The following RAD51B variants were observed in gnomAD, a reference collection of about 807,000 sequenced individuals.
RAD51B encodes RAD51 paralog B.
RAD51B carries 38 observed loss-of-function variants against 42.2 expected under a neutral mutation model. The ratio of observed to expected loss-of-function variants is 0.90; its 90% CI spans 0.70 to 1.18. The LOEUF is 1.18. Among genes scored for constraint, RAD51B ranks in the 50% most tolerant of loss-of-function variants. The pLI is 0.00. For missense variants in RAD51B, 373 were observed against 400.7 expected (o/e 0.93, Z 0.59); for synonymous variants, 154 against 145.2 (o/e 1.06, Z -0.43).
At chr14:68,562,362 A>T in intron 10 of RAD51B, 1 of 985,428 alleles carries the variant, frequency 1.0e-6, no homozygotes. Context: ...TAAGGTGGGA[A>T]CCAAAGGCTC....
chr14:68,172,230 C>T (rs2078887027), intron 7 of RAD51B, among the ~76,000 whole-genome samples: 1 of 152,134 alleles, frequency 6.6e-6, no homozygotes. Context: ...TAGAGAAATC[C>T]TTTGTCAGTA....
chr14:68,564,581 A>T (rs1366461720), intron 10 of RAD51B, among the ~76,000 whole-genome samples: 2 of 152,272 alleles, frequency 1.3e-5, no homozygotes, highest in African/African-American at 4.8e-5. Context: ...CACAGAGTTC[A>T]TCAGCTTCCC....
chr14:67,998,773 C>G (rs906264418), intron 7 of RAD51B, among the ~76,000 whole-genome samples: 7 of 152,160 alleles, frequency 4.6e-5, no homozygotes, highest in Non-Finnish European at 1.0e-4. Context: ...GGTCTCTCTC[C>G]TTTACCTTGT....
At position 68,528,143 on chromosome 14, in the gene RAD51B, C is replaced by A. The variant is rs558492559; in HGVS notation, c.1036+59893C>A. Among the ~76,000 whole-genome samples, 4 of 152,312 alleles carry A rather than the reference C, an allele frequency of 2.6e-5. No homozygotes were observed. In the South Asian group the frequency reaches 6.2e-4, roughly 24 times the overall value. On this transcript the variant is annotated intron_variant, in intron 10 of 10. Coordinates refer to the RAD51B transcript ENST00000487270. ...CCAGTAAAGAATTCCCTCCAGTCTT[C>A]CGTACCATACATCCTGAATGGAGCA...
chr14:68,465,276 T>G (rs1408562942), intron 9 of RAD51B, among the ~76,000 whole-genome samples: 2 of 152,214 alleles, frequency 1.3e-5, no homozygotes, highest in Non-Finnish European at 2.9e-5. Context: ...ACGTTTATCT[T>G]ATCCATTTCC....
chr14:67,841,606 G>A (rs550116482), intron 4 of RAD51B, among the ~76,000 whole-genome samples: 2 of 152,304 alleles, frequency 1.3e-5, no homozygotes, highest in Admixed American at 1.3e-4. Flanking sequence ...ATGGTAAAAG[G>A]TAGGGGTCCA....
At chr14:68,450,932 G>A (rs917192279) in intron 9 of RAD51B, among the ~76,000 whole-genome samples, 2 of 152,122 alleles carry the variant, frequency 1.3e-5, no homozygotes, top group African/African-American at 4.8e-5. Flanking sequence ...GACTGTGGGG[G>A]CTCAGTGCCA....
At chr14:67,893,729 T>C (rs1252118345) in intron 7 of RAD51B, among the ~76,000 whole-genome samples, 3 of 152,028 alleles carry the variant, frequency 2.0e-5, no homozygotes, top group Non-Finnish European at 4.4e-5. Context: ...GGGCGGGTTT[T>C]ATGAGTAGAA....
intron 7 of RAD51B, among the ~76,000 whole-genome samples, chr14:68,247,178 C>A (rs866936565): frequency 6.6e-6 from 1 of 151,826 alleles, no homozygotes; most frequent in Non-Finnish European, 1.5e-5. Context: ...AGGAAGAGAG[C>A]ACTGTATGGT....
intron 10 of RAD51B, among the ~76,000 whole-genome samples, chr14:68,603,772 A>G (rs1348794483): frequency 6.6e-6 from 1 of 152,256 alleles, no homozygotes; most frequent in Non-Finnish European, 1.5e-5. Context: ...GGGAGCCTGC[A>G]CACGCCGCGT....
chr14:67,829,882 G>A (rs1349966894), intron 3 of RAD51B, among the ~76,000 whole-genome samples: 1 of 152,092 alleles, frequency 6.6e-6, no homozygotes, highest in Non-Finnish European at 1.5e-5. Context: ...AAAAGCATAA[G>A]GTACTTTGAA....
chr14:68,218,671 A>G (rs1335158084), intron 7 of RAD51B, among the ~76,000 whole-genome samples: 1 of 152,250 alleles, frequency 6.6e-6, no homozygotes, highest in African/African-American at 2.4e-5. Context: ...CACATAGTTA[A>G]AAACTGTGAA....
chr14:68,463,859 TG>T (rs1201095567), intron 9 of RAD51B, among the ~76,000 whole-genome samples: 1 of 152,214 alleles, frequency 6.6e-6, no homozygotes, highest in Non-Finnish European at 1.5e-5. Context: ...CATGGTTTCC[TG>T]GGTGAGGAGG....
chr14:68,611,037 G>T, exon 11 of RAD51B: 1 of 703,126 alleles, frequency 1.4e-6, no homozygotes, highest in Non-Finnish European at 2.6e-6. Flanking sequence ...TCAGCCCCAG[G>T]TCAGAATGCT....
At chr14:67,966,071 A>C (rs912648465) in intron 7 of RAD51B, among the ~76,000 whole-genome samples, 5 of 152,224 alleles carry the variant, frequency 3.3e-5, no homozygotes, top group African/African-American at 1.2e-4. Context: ...TTATAGCTAA[A>C]GGATAGAGGG....
At chr14:67,976,255 C>A (rs2074991822) in intron 7 of RAD51B, among the ~76,000 whole-genome samples, 1 of 151,494 alleles carries the variant, frequency 6.6e-6, no homozygotes, top group South Asian at 2.1e-4. Flanking sequence ...TAGCTGGGAC[C>A]ACAGATGCAT....
intron 10 of RAD51B, among the ~76,000 whole-genome samples, chr14:68,476,199 A>G (rs1293513242): frequency 6.6e-6 from 1 of 152,210 alleles, no homozygotes; most frequent in Non-Finnish European, 1.5e-5. Context: ...GACTTATTCC[A>G]AGTAGGATGA....
intron 8 of RAD51B, among the ~76,000 whole-genome samples, chr14:68,303,818 G>T (rs181781120): frequency 2.0e-5 from 3 of 152,138 alleles, no homozygotes; most frequent in African/African-American, 4.8e-5. Context: ...ATGGTGTCAG[G>T]CTATCTATAA....
chr14:67,949,705 A>G (rs1298826859), intron 7 of RAD51B, among the ~76,000 whole-genome samples: 1 of 152,192 alleles, frequency 6.6e-6, no homozygotes, highest in East Asian at 1.9e-4. Flanking sequence ...GAAGAATCAC[A>G]ATCTATGGCA....
Sources: allele counts gnomAD v4.1 joint callset (sites outside exome capture counted in the v4.1 genomes callset), GRCh38; gene constraint gnomAD v4.1.1; transcripts MANE v1.5; gene names NCBI Gene and HGNC (gene_info 2026-07-23, HGNC 2026-07-21).